Variants in ZNF221 observed in about 807,000 individuals in gnomAD.
The protein encoded by ZNF221 is zinc finger protein 221.
In ZNF221, 10 loss-of-function variants were observed where a neutral mutation model predicts 12.6. That is an observed-to-expected ratio of 0.79 (90% CI 0.49 to 1.34). The LOEUF (loss-of-function observed/expected upper bound fraction) is 1.34, where lower values mean the gene tolerates loss of function less well. Among genes scored for constraint, ZNF221 ranks in the 40% most tolerant of loss-of-function variants. The pLI is 0.00. For synonymous variants in ZNF221, 232 were observed against 244.0 expected (o/e 0.95, Z 0.46); for missense variants, 661 against 721.4 (o/e 0.92, Z 0.96).
chr19:43,952,441 G>A (rs1347607548), intron 1 of ZNF221, among the ~76,000 whole-genome samples: 3 of 152,166 alleles, frequency 2.0e-5, no homozygotes, highest in African/African-American at 7.2e-5. Flanking sequence ...TCGGGCATGG[G>A]CATTGATAAG....
chr19:43,971,273 G>C (rs77178786), downstream of ZNF221, among the ~76,000 whole-genome samples: 6,064 of 152,028 alleles, frequency 0.04, 176 homozygotes, highest in African/African-American at 0.088. Context: ...AATATGGAAA[G>C]AAAAAACCAT....
Position 43,966,159 on chromosome 19 carries a change from C to T in ZNF221, c.657C>T (p.Val219=). The T allele has an allele frequency of 1.2e-6, 2 of 1,614,146 alleles. No homozygotes were observed. The highest frequency in any genetic ancestry group is 1.7e-6 in the Non-Finnish European group (2 of 1,180,026). Residue 219 remains valine, a synonymous_variant, in exon 5 of 5, where the codon GTC becomes GTT. Coordinates refer to ENST00000587682, the MANE Select transcript of ZNF221 (RefSeq NM_001297588.2). ...CAGCCCTTCATATTCATCAGAGAGT[C>T]CATATGGGAGAAAAATGCTATAAGT... The part of the protein sequence containing the change: ...YSPALHIHQR[V]HMGEKCYKCD...
downstream of ZNF221, among the ~76,000 whole-genome samples, chr19:43,969,373 G>C (rs1975049163): frequency 9.2e-6 from 1 of 108,200 alleles, no homozygotes; most frequent in Non-Finnish European, 1.7e-5. Context: ...TTTTGAGATG[G>C]AGTCTCACTC....
chr19:43,971,932 C>G (rs1975105931), downstream of ZNF221, among the ~76,000 whole-genome samples: 1 of 152,150 alleles, frequency 6.6e-6, no homozygotes, highest in African/African-American at 2.4e-5. Context: ...GCAGAACTCT[C>G]CACTCCAAAA....
chr19:43,967,353 A>T lies in ZNF221; in HGVS notation c.1851A>T (p.Ile617=), dbSNP rs1297065836. ...TSVSLCGRKA[I] is the part of the protein sequence containing the mutation. ...TAAGTCTATGTGGGAGAAAAGCCAT[A>T]TAAATGTGAGAAGTGTGGGAAGGGC... The change falls in exon 5 of 5, where the codon ATA becomes ATT. Residue 617 remains isoleucine (I), a synonymous_variant. Transcript: ENST00000587682. The T allele has an allele frequency of 6.8e-6, 11 of 1,607,902 alleles. No homozygotes were observed. Among genetic ancestry groups the T allele is most frequent in the Non-Finnish European group, 9.3e-6 (11 of 1,176,784 alleles).
At chr19:43,961,938 C>T (rs1974849690) in intron 1 of ZNF221, 1 of 152,074 alleles carries the variant, frequency 6.6e-6, no homozygotes, top group Non-Finnish European at 1.5e-5. Flanking sequence ...TTCACTTGGC[C>T]AAGATGATAT....
chr19:43,968,632 A>G (rs1193901024), downstream of ZNF221, among the ~76,000 whole-genome samples: 1 of 152,254 alleles, frequency 6.6e-6, no homozygotes, highest in African/African-American at 2.4e-5. Context: ...TGGTACTCAT[A>G]CAGAGGAATG....
At chr19:43,972,762 C>CAAAAAAA in the ZNF221 span, among the ~76,000 whole-genome samples, 2 of 5,764 alleles carry the variant, frequency 3.5e-4, no homozygotes, top group Non-Finnish European at 3.2e-3. Flanking sequence ...TAATAGTCTA[C>CAAAAAAA]CAAAAAAAAA....
downstream of ZNF221, among the ~76,000 whole-genome samples, chr19:43,971,301 A>G (rs1484052493): frequency 6.6e-6 from 1 of 152,198 alleles, no homozygotes; most frequent in African/African-American, 2.4e-5. Context: ...CACTACAAAA[A>G]CACACTGAAG....
chr19:43,978,495 A>G, the ZNF221 span: 1 of 152,212 alleles, frequency 6.6e-6, no homozygotes, highest in Non-Finnish European at 1.5e-5. Flanking sequence ...AAATATTTTT[A>G]TAATAAAAAA....
chr19:43,968,426 AC>A (rs1438766448), downstream of ZNF221, among the ~76,000 whole-genome samples: 1 of 152,248 alleles, frequency 6.6e-6, no homozygotes, highest in Admixed American at 6.5e-5. Context: ...CACAACCTTA[AC>A]ACTGATTGGC....
Position 43,967,416 on chromosome 19 carries a change from C to A in ZNF221, c.*60C>A. Reference sequence around the variant, plus strand: ...TCAACTCATCTGACCCATCAATTCTCCACAGCAGAGAAAAACCATTCAAAT... The same window carrying A: ...TCAACTCATCTGACCCATCAATTCTACACAGCAGAGAAAAACCATTCAAAT... On this transcript the variant is annotated 3_prime_UTR_variant, in exon 5 of 5. Coordinates refer to ENST00000587682, the MANE Select transcript of ZNF221 (RefSeq NM_001297588.2). 1.6e-6 allele frequency: 2 copies of A among 1,274,992 alleles called. No individual in the cohort carries two copies. The highest frequency in any genetic ancestry group is 2.2e-6 in the Non-Finnish European group (2 of 905,874). 79.0% of individuals were successfully genotyped at this position (1,274,992 alleles called of 1,614,324 possible).
At chr19:43,976,813 G>A in the ZNF221 span, 1 of 151,928 alleles carries the variant, frequency 6.6e-6, no homozygotes, top group Non-Finnish European at 1.5e-5. Flanking sequence ...CTTTATTGTT[G>A]GCCATAAGAA....
chr19:43,975,943 G>T, the ZNF221 span, among the ~76,000 whole-genome samples: 2 of 152,048 alleles, frequency 1.3e-5, no homozygotes, highest in Non-Finnish European at 2.9e-5. Context: ...ACAATCATTT[G>T]TCACTTTTCT....
intron 2 of ZNF221, among the ~76,000 whole-genome samples, chr19:43,964,510 A>G (rs952147868): frequency 3.3e-5 from 5 of 152,232 alleles, no homozygotes; most frequent in African/African-American, 9.6e-5. Flanking sequence ...CAGATACTAA[A>G]GAAAAGTTAA....
chr19:43,955,066 T>C (rs1485870790), intron 1 of ZNF221, among the ~76,000 whole-genome samples: 1 of 152,020 alleles, frequency 6.6e-6, no homozygotes. Context: ...TATTCATTGC[T>C]GGACATTGTG....
chr19:43,957,168 CTTATTT>C (rs1171154144), intron 1 of ZNF221, among the ~76,000 whole-genome samples: 1 of 150,812 alleles, frequency 6.6e-6, no homozygotes, highest in Non-Finnish European at 1.5e-5. Flanking sequence ...TAAACCTTTT[CTTATTT>C]TTATTTTTAT....
At chr19:43,961,729 A>T (rs1425854734) in intron 1 of ZNF221, 2 of 152,226 alleles carry the variant, frequency 1.3e-5, no homozygotes, top group Non-Finnish European at 2.9e-5. Context: ...AAGATTCAAC[A>T]GGCTTTGTCT....
At chr19:43,953,284 C>G (rs534412829) in intron 1 of ZNF221, among the ~76,000 whole-genome samples, 12 of 150,706 alleles carry the variant, frequency 8.0e-5, no homozygotes, top group African/African-American at 2.9e-4. Context: ...ATGCTTATTG[C>G]CTTATTACAA....
Sources: gnomAD v4.1 joint callset for allele counts (sites outside exome capture counted in the v4.1 genomes callset) on GRCh38, gnomAD v4.1.1 for gene constraint, MANE v1.5 for transcripts, NCBI Gene and HGNC (gene_info 2026-07-23, HGNC 2026-07-21) for gene names.